DIAPH3: variants seen among roughly 807,000 people sequenced by gnomAD.
The protein encoded by DIAPH3 is protein diaphanous homolog 3.
In DIAPH3, 117 loss-of-function variants were observed where a neutral mutation model predicts 144.3. The observed-to-expected ratio is 0.81, with a 90% CI of 0.70 to 0.95. The LOEUF is 0.95. Among genes scored for constraint, DIAPH3 ranks in the 40% least tolerant of loss-of-function variants. DIAPH3 has a pLI of 0.00. For synonymous variants in DIAPH3, 519 were observed against 488.9 expected, an observed-to-expected ratio of 1.06 and a Z score of -0.81; for missense variants, 1,421 against 1,412.7, an observed-to-expected ratio of 1.01 and a Z score of -0.09.
chr13:59,695,774 A>C (rs1264118967), intron 27 of DIAPH3, among the ~76,000 whole-genome samples: 1 of 152,212 alleles, frequency 6.6e-6, no homozygotes, highest in Non-Finnish European at 1.5e-5. Context: ...GTATTCCAAC[A>C]AAAAAATTAA....
At chr13:59,916,461 TC>T (rs2047229586) in intron 18 of DIAPH3, among the ~76,000 whole-genome samples, 1 of 152,144 alleles carries the variant, frequency 6.6e-6, no homozygotes, top group Non-Finnish European at 1.5e-5. Flanking sequence ...TAAACAACAG[TC>T]CTGTGTTATT....
chr13:60,058,773 G>A (rs2056652802), intron 4 of DIAPH3, among the ~76,000 whole-genome samples: 2 of 151,968 alleles, frequency 1.3e-5, no homozygotes, highest in African/African-American at 4.8e-5. Context: ...GGATCTGGAG[G>A]CCATGATTCT....
chr13:59,940,532 GT>G lies in DIAPH3; in HGVS notation c.2075-15663del, dbSNP rs748154372. 3.7e-4 allele frequency among the ~76,000 whole-genome samples: 56 copies of G among 152,224 alleles called. No individual in the cohort carries two copies. In the East Asian group the frequency reaches 9.8e-3, roughly 27 times the overall value. ...TGTCAAAATTTCTAATCTCTAAAATGTTTGAATAAATCATATTCATATGCTT... is the reference window on the plus strand; with the variant it reads ...TGTCAAAATTTCTAATCTCTAAAATGTTGAATAAATCATATTCATATGCTT... On this transcript the variant is annotated intron_variant, in intron 17 of 27. Transcript: ENST00000400324.
intron 27 of DIAPH3, among the ~76,000 whole-genome samples, chr13:59,725,066 T>A (rs562802594): frequency 1.2e-4 from 18 of 152,340 alleles, no homozygotes; most frequent in South Asian, 2.1e-4. Context: ...TGTGGCTAAA[T>A]TTTGAAATGT....
chr13:59,954,132 T>C (rs1458172043), intron 17 of DIAPH3, among the ~76,000 whole-genome samples: 2 of 152,182 alleles, frequency 1.3e-5, no homozygotes, highest in Admixed American at 1.3e-4. Flanking sequence ...GTGAACAGGA[T>C]AGAGAGGAAA....
At chr13:59,697,105 T>G (rs2033840709) in intron 27 of DIAPH3, among the ~76,000 whole-genome samples, 1 of 151,922 alleles carries the variant, frequency 6.6e-6, no homozygotes, top group South Asian at 2.1e-4. Context: ...GAATAATACC[T>G]CCTCAAACTA....
At chr13:59,773,133 T>G (rs73529651) in intron 27 of DIAPH3, among the ~76,000 whole-genome samples, 3,277 of 152,260 alleles carry the variant, frequency 0.022, 110 homozygotes, top group African/African-American at 0.074. Context: ...TTTGTATTGT[T>G]ATACAAGAGA....
intron 25 of DIAPH3, among the ~76,000 whole-genome samples, chr13:59,790,673 A>C (rs1363611737): frequency 1.3e-5 from 2 of 152,190 alleles, no homozygotes; most frequent in Non-Finnish European, 2.9e-5. Flanking sequence ...GGAGGAAGTC[A>C]GCAAGGAGAA....
chr13:60,003,687 C>T (rs2052670926), intron 9 of DIAPH3, among the ~76,000 whole-genome samples: 2 of 152,090 alleles, frequency 1.3e-5, no homozygotes, highest in African/African-American at 4.8e-5. Context: ...CATTCTCCTG[C>T]CTCAGCCTCC....
At chr13:59,873,982 T>C (rs1270045032) in intron 21 of DIAPH3, among the ~76,000 whole-genome samples, 2 of 152,208 alleles carry the variant, frequency 1.3e-5, no homozygotes, top group Non-Finnish European at 1.5e-5. Flanking sequence ...TCACCACTCA[T>C]TCTTAAGTGA....
intron 27 of DIAPH3, among the ~76,000 whole-genome samples, chr13:59,755,932 T>C (rs1209489907): frequency 1.3e-5 from 2 of 152,202 alleles, no homozygotes; most frequent in South Asian, 2.1e-4. Context: ...GATCAGACAC[T>C]GAAATATATG....
rs754971417 is a variant in DIAPH3 at position 59,971,038 on chromosome 13, A to C, written c.1773T>G (p.Pro591=). ...LPSGGGVPPP[P]PPPPPPPLPG... is the part of the protein sequence containing the mutation. ...GAAGTGGAGGAGGTGGTGGGGGAGG[A>C]GGTGGAGGCGGCACCCCTCCACCAG... The change falls in exon 16 of 28, where the codon CCT becomes CCG. Residue 591 remains proline, a synonymous_variant. Coordinates refer to ENST00000400324, the MANE Select transcript of DIAPH3 (RefSeq NM_001042517.2). The C allele has an allele frequency of 6.7e-7, 1 of 1,501,586 alleles. No homozygotes were observed. Among genetic ancestry groups the C allele is most frequent in the Non-Finnish European group, 9.1e-7 (1 of 1,102,812 alleles). The allele number at this position is 1,501,586 out of a possible 1,614,324, so 93.0% of individuals were successfully genotyped here. A position where few individuals can be genotyped will look rare whatever the true frequency, so the allele number is the denominator to read the frequency against.
At chr13:59,813,146 A>G (rs1290622972) in intron 24 of DIAPH3, among the ~76,000 whole-genome samples, 1 of 152,040 alleles carries the variant, frequency 6.6e-6, no homozygotes, top group Non-Finnish European at 1.5e-5. Flanking sequence ...AAACCTAAAA[A>G]AAAAAAAAAG....
At position 59,974,348 on chromosome 13, in the gene DIAPH3, T is replaced by C. The variant is rs1336641054; in HGVS notation, c.1650+4A>G. On this transcript the variant is annotated splice_donor_region_variant and intron_variant, in intron 15 of 27. Coordinates refer to ENST00000400324, the MANE Select transcript of DIAPH3 (RefSeq NM_001042517.2). ...ACCCAAATTCACTCAGAGTGGAATTTTACCTGAGACTTAAAAGCTTGTAGC... is the reference window on the plus strand; with the variant it reads ...ACCCAAATTCACTCAGAGTGGAATTCTACCTGAGACTTAAAAGCTTGTAGC... 6.2e-7 allele frequency: 1 copy of C among 1,611,182 alleles called. No homozygotes were observed. The highest frequency in any genetic ancestry group is 1.7e-5 in the Admixed American group (1 of 59,928).
chr13:59,905,038 A>G (rs2046649473), intron 20 of DIAPH3, among the ~76,000 whole-genome samples: 1 of 152,080 alleles, frequency 6.6e-6, no homozygotes, highest in Non-Finnish European at 1.5e-5. Flanking sequence ...CCTCACTTAT[A>G]TTATTCATAA....
chr13:59,893,975 C>T (rs995975629), intron 20 of DIAPH3, among the ~76,000 whole-genome samples: 3 of 152,002 alleles, frequency 2.0e-5, no homozygotes, highest in Non-Finnish European at 2.9e-5. Flanking sequence ...TTTGTTTCTA[C>T]GTTAGGACAA....
chr13:59,810,986 A>C (rs1433613666), intron 24 of DIAPH3, 63 bp from the exon 25 acceptor site: 1 of 1,444,142 alleles, frequency 6.9e-7, no homozygotes. Context: ...ATGGAAAGTT[A>C]TCTATTTGAA....
chr13:60,126,502 T>C lies in DIAPH3; in HGVS notation c.213+6455A>G, dbSNP rs79280119. 3.0e-4 allele frequency among the ~76,000 whole-genome samples: 46 copies of C among 152,232 alleles called. No individual in the cohort carries two copies. In the East Asian group the frequency reaches 8.7e-3, roughly 29 times the overall value. On this transcript the variant is annotated intron_variant, in intron 2 of 27. Transcript: ENST00000400324. ...AACCAATCGAACGGGAAAAATAAAA[T>C]CTAAAATCACAGTGGGAGACTTCGA... is the stretch of plus-strand genomic sequence containing the variant.
intron 4 of DIAPH3, among the ~76,000 whole-genome samples, chr13:60,076,151 C>T (rs1331460683): frequency 6.6e-6 from 1 of 152,178 alleles, no homozygotes; most frequent in Admixed American, 6.5e-5. Context: ...GCTCGAATAG[C>T]CTCTTGCCTT....
Sources: gnomAD v4.1 joint callset for allele counts (sites outside exome capture counted in the v4.1 genomes callset) on GRCh38, gnomAD v4.1.1 for gene constraint, MANE v1.5 for transcripts, NCBI Gene and HGNC (gene_info 2026-07-23, HGNC 2026-07-21) for gene names.